Variants in CSMD1 observed in about 807,000 individuals in gnomAD.
CSMD1 encodes CUB and sushi domain-containing protein 1.
CSMD1 carries 213 observed loss-of-function variants against 417.5 expected under a neutral mutation model. That is an observed-to-expected ratio of 0.51 (90% CI 0.46 to 0.57). The LOEUF (loss-of-function observed/expected upper bound fraction) is 0.57. Ranked by LOEUF, CSMD1 falls within the 20% of genes least tolerant of loss-of-function variation. The probability of loss-of-function intolerance (pLI) is 0.00; values close to 1 mark genes in which losing one functional copy is unlikely to be tolerated. For synonymous variants in CSMD1, 2,862 were observed against 1,736.8 expected, an observed-to-expected ratio of 1.65 and a Z score of -16.11; for missense variants, 6,923 against 4,529.7, an observed-to-expected ratio of 1.53 and a Z score of -15.17.
intron 3 of CSMD1, among the ~76,000 whole-genome samples, chr8:4,349,550 T>C (rs1800967323): frequency 6.6e-6 from 1 of 152,164 alleles, no homozygotes; most frequent in Admixed American, 6.5e-5. Flanking sequence ...ACCATGCTTT[T>C]TTATATTAGG....
Position 3,874,961 on chromosome 8 carries a change from C to T in CSMD1, c.819-120919G>A, listed in dbSNP as rs898872353. Among the ~76,000 whole-genome samples the T allele has an allele frequency of 2.6e-5, 4 of 152,066 alleles. No individual in the cohort carries two copies. The East Asian group carries it at 5.8e-4, about 22-fold the overall frequency. On this transcript the variant is annotated intron_variant, in intron 5 of 69. Transcript: ENST00000635120. ...CTGACATTTAATCTGAGAGCTTCTA[C>T]CATGAAGGAGCCAAGCAGGATGGAC...
At chr8:4,734,850 TTGG>T in intron 1 of CSMD1, among the ~76,000 whole-genome samples, 1 of 152,294 alleles carries the variant, frequency 6.6e-6, no homozygotes, top group East Asian at 1.9e-4. Context: ...TGAACTCTCC[TTGG>T]TGAAGATTCC....
chr8:3,367,041 T>C lies in CSMD1; in HGVS notation c.3106A>G (p.Thr1036Ala). The C allele has an allele frequency of 6.2e-7, 1 of 1,612,560 alleles. No individual in the cohort carries two copies. Among genetic ancestry groups the C allele is most frequent in the South Asian group, 1.1e-5 (1 of 90,874 alleles). ...FSISYEGFNI[T>A]FSEYDLEPCD... ...AACAAGACCAACATACCTGAAAATG[T>C]GATATTGAAGCCCTCGTACGAAATT... is the stretch of plus-strand genomic sequence containing the variant. Residue 1036 changes from threonine (T) to alanine (A), a missense_variant, in exon 20 of 70, where the codon ACA becomes GCA. Physicochemically the swap from Thr to Ala is moderately conservative, Grantham distance 58 (BLOSUM62 0). Transcript: ENST00000635120.
At chr8:4,776,700 G>A (rs1796871944) in intron 1 of CSMD1, among the ~76,000 whole-genome samples, 1 of 152,110 alleles carries the variant, frequency 6.6e-6, no homozygotes, top group African/African-American at 2.4e-5. Context: ...CCAGAACACT[G>A]GCTTGATTCC....
At chr8:4,339,200 G>A (rs1800340580) in intron 3 of CSMD1, among the ~76,000 whole-genome samples, 1 of 152,114 alleles carries the variant, frequency 6.6e-6, no homozygotes, top group African/African-American at 2.4e-5. Flanking sequence ...AAGGAGATCT[G>A]CAAGTATACC....
Position 4,427,772 on chromosome 8 carries a change from A to G in CSMD1, c.303-7707T>C, listed in dbSNP as rs1366307901. Among the ~76,000 whole-genome samples the G allele has an allele frequency of 2.0e-5, 3 of 152,178 alleles. No homozygotes were observed. In the East Asian group the frequency reaches 5.8e-4, roughly 29 times the overall value. ...TATAAATCTCTCAATAGAAACTTCA[A>G]TTACAGATTTTTATCACAATGTATA... On this transcript the variant is annotated intron_variant, in intron 2 of 69. Coordinates refer to ENST00000635120, the MANE Select transcript of CSMD1 (RefSeq NM_033225.6).
chr8:4,381,945 A>G (rs939065667), intron 3 of CSMD1, among the ~76,000 whole-genome samples: 1 of 152,148 alleles, frequency 6.6e-6, no homozygotes, highest in Middle Eastern at 3.2e-3. Context: ...AAGTATGTGT[A>G]GAATAACTGC....
At chr8:4,180,496 G>C (rs1325396061) in intron 3 of CSMD1, among the ~76,000 whole-genome samples, 1 of 151,450 alleles carries the variant, frequency 6.6e-6, no homozygotes, top group Non-Finnish European at 1.5e-5. Context: ...GTTAGTGGGT[G>C]CAGCACACCA....
chr8:4,436,053 C>G (rs1306126966), intron 2 of CSMD1, among the ~76,000 whole-genome samples: 1 of 152,162 alleles, frequency 6.6e-6, no homozygotes, highest in Non-Finnish European at 1.5e-5. Context: ...CAAGATCATT[C>G]ACAGATCTTA....
chr8:3,686,792 T>C (rs1325536507), intron 7 of CSMD1, among the ~76,000 whole-genome samples: 2 of 152,236 alleles, frequency 1.3e-5, no homozygotes, highest in Non-Finnish European at 2.9e-5. Flanking sequence ...ACTGTTTCTT[T>C]GGATCTTCAT....
rs371613515 is a variant in CSMD1, at chr8:4,886,425, T to A, written c.85+107907A>T. Among the ~76,000 whole-genome samples the A allele has an allele frequency of 2.6e-5, 4 of 152,180 alleles. No individual in the cohort carries two copies. The East Asian group carries it at 7.7e-4, about 29-fold the overall frequency. On this transcript the variant is annotated intron_variant, in intron 1 of 69. Transcript: ENST00000635120. The stretch of plus-strand genomic sequence containing the variant: ...TTGATAATGTTTTGTTGAGGAAATT[T>A]GCATCTATATTCATAAAAGATATTG...
At chr8:4,404,514 C>A (rs1804876006) in intron 3 of CSMD1, among the ~76,000 whole-genome samples, 1 of 151,838 alleles carries the variant, frequency 6.6e-6, no homozygotes, top group Non-Finnish European at 1.5e-5. Context: ...CAGTGGGGGG[C>A]AAAAAATAAG....
At chr8:4,385,493 C>T (rs1399132194) in intron 3 of CSMD1, among the ~76,000 whole-genome samples, 1 of 152,102 alleles carries the variant, frequency 6.6e-6, no homozygotes, top group Non-Finnish European at 1.5e-5. Flanking sequence ...ATATTTGGAG[C>T]TTAGTACTAC....
chr8:3,471,662 TTCCC>T (rs147772981), intron 11 of CSMD1, among the ~76,000 whole-genome samples: 4,232 of 143,626 alleles, frequency 0.029, 170 homozygotes, highest in South Asian at 0.13. Flanking sequence ...CTTCCTTCCT[TTCCC>T]TCCCTCCCTC....
intron 3 of CSMD1, among the ~76,000 whole-genome samples, chr8:4,155,698 G>C (rs1047723147): frequency 2.6e-5 from 4 of 152,074 alleles, no homozygotes; most frequent in Admixed American, 6.6e-5. Flanking sequence ...CTAATCAACA[G>C]TGTTCTACTT....
intron 1 of CSMD1, among the ~76,000 whole-genome samples, chr8:4,955,784 TGGCGTAACAGTA>T (rs1809064479): frequency 4.4e-5 from 2 of 45,910 alleles, no homozygotes; most frequent in Non-Finnish European, 5.2e-5. Flanking sequence ...TGTTAGGTGG[TGGCGTAACAGTA>T]CCTTCAAATT....
intron 5 of CSMD1, among the ~76,000 whole-genome samples, chr8:3,819,034 G>A (rs79966962): frequency 0.019 from 2,826 of 152,210 alleles, 95 homozygotes; most frequent in African/African-American, 0.061. Context: ...CCAGATTGAC[G>A]GTAAAACATT....
intron 3 of CSMD1, among the ~76,000 whole-genome samples, chr8:4,116,914 G>T (rs527496088): frequency 6.6e-6 from 1 of 152,000 alleles, no homozygotes; most frequent in African/African-American, 2.4e-5. Flanking sequence ...TGAGGTACTC[G>T]AAATGTGTAC....
At chr8:4,754,751 A>C (rs1310086671) in intron 1 of CSMD1, among the ~76,000 whole-genome samples, 1 of 152,144 alleles carries the variant, frequency 6.6e-6, no homozygotes, top group Non-Finnish European at 1.5e-5. Context: ...CAGGAGGCTG[A>C]GGCAGGAGAT....
Sources: allele counts gnomAD v4.1 joint callset (sites outside exome capture counted in the v4.1 genomes callset), GRCh38; gene constraint gnomAD v4.1.1; transcripts MANE v1.5; gene names NCBI Gene and HGNC (gene_info 2026-07-23, HGNC 2026-07-21).